Variants in BCAS3 observed in about 807,000 individuals in gnomAD.
BCAS3 encodes the protein BCAS3 microtubule associated cell migration factor, also known as BCAS4/BCAS3 fusion.
BCAS3 carries 53 observed loss-of-function variants against 116.1 expected under a neutral mutation model. The observed-to-expected ratio is 0.46, with a 90% CI of 0.37 to 0.57. BCAS3 has a LOEUF of 0.57. Among genes scored for constraint, BCAS3 ranks in the 20% least tolerant of loss-of-function variants. The probability of loss-of-function intolerance (pLI) is 0.00; values close to 1 mark genes in which losing one functional copy is unlikely to be tolerated. For synonymous variants in BCAS3, 391 were observed against 408.2 expected (o/e 0.96, Z 0.51); for missense variants, 917 against 1,165.4 (o/e 0.79, Z 3.10).
intron 7 of BCAS3, among the ~76,000 whole-genome samples, chr17:60,848,840 C>CAA (rs79372456): frequency 0.035 from 4,143 of 118,738 alleles, 57 homozygotes; most frequent in Middle Eastern, 0.058. Context: ...GCTGGGACTA[C>CAA]AAAAAAAAAA....
At chr17:61,206,624 AC>A in intron 22 of BCAS3, among the ~76,000 whole-genome samples, 1 of 151,766 alleles carries the variant, frequency 6.6e-6, no homozygotes, top group South Asian at 2.1e-4. Context: ...ACGTGGTGAA[AC>A]CCCCGTCTCT....
intron 7 of BCAS3, among the ~76,000 whole-genome samples, chr17:60,857,634 A>G (rs1399597055): frequency 6.6e-6 from 1 of 152,204 alleles, no homozygotes; most frequent in East Asian, 1.9e-4. Flanking sequence ...CCCATGAGGA[A>G]AATTAAGATT....
At position 61,241,043 on chromosome 17, in the gene BCAS3, G is replaced by GC. The variant is rs1568646620; in HGVS notation, c.2426-127279dup. 2.0e-5 allele frequency among the ~76,000 whole-genome samples: 3 copies of GC among 152,098 alleles called. No individual in the cohort carries two copies. Among genetic ancestry groups the GC allele is most frequent in the African/African-American group, 7.2e-5 (3 of 41,420 alleles). Reference sequence around the variant, plus strand: ...CCATGAGAAACCTTCTAGAGCTTCCGCCCCCTCAGTTCTCACTCTCCATCA... The same window carrying GC: ...CCATGAGAAACCTTCTAGAGCTTCCGCCCCCCTCAGTTCTCACTCTCCATCA... On this transcript the variant is annotated intron_variant, in intron 22 of 23. Transcript: ENST00000407086. This position sits in a 1 kb window ranked among gnomAD's most constrained non-coding sequence, Gnocchi z 4.6.
intron 19 of BCAS3, among the ~76,000 whole-genome samples, chr17:61,049,922 C>T (rs780275058): frequency 8.6e-5 from 13 of 151,738 alleles, no homozygotes; most frequent in African/African-American, 2.7e-4. Context: ...TTAGTAGAGA[C>T]GGGGTTTTTC....
In BCAS3 at chr17:61,200,426, A is replaced by G. The variant is rs2080751125; in HGVS notation, c.2425+115862A>G. On this transcript the variant is annotated intron_variant, in intron 22 of 23. Coordinates refer to ENST00000407086, the MANE Select transcript of BCAS3 (RefSeq NM_017679.5). This position sits in a 1 kb window ranked among gnomAD's most constrained non-coding sequence, Gnocchi z 5.1. ...TATTTTATAGCCATAGCAACTTGGTAAAGGAGAGATTATTATTCTTATTTC... is the reference window on the plus strand; with the variant it reads ...TATTTTATAGCCATAGCAACTTGGTGAAGGAGAGATTATTATTCTTATTTC... 6.6e-6 allele frequency among the ~76,000 whole-genome samples: 1 copy of G among 152,222 alleles called. No homozygotes were observed. The highest frequency in any genetic ancestry group is 1.5e-5 in the Non-Finnish European group (1 of 68,040).
At chr17:60,908,541 T>G (rs2058312788) in intron 11 of BCAS3, among the ~76,000 whole-genome samples, 1 of 152,190 alleles carries the variant, frequency 6.6e-6, no homozygotes, top group Non-Finnish European at 1.5e-5. Flanking sequence ...CCTGGCCTGC[T>G]CTTGACATCA....
intron 5 of BCAS3, among the ~76,000 whole-genome samples, chr17:60,729,001 C>T (rs1289032535): frequency 6.6e-6 from 1 of 152,164 alleles, no homozygotes; most frequent in Non-Finnish European, 1.5e-5. Flanking sequence ...ATTTCTCCTC[C>T]TTCCAGGATA....
chr17:61,249,480 C>T lies in BCAS3; in HGVS notation c.2426-118847C>T, dbSNP rs1568665109. Among the ~76,000 whole-genome samples, 1 of 152,070 alleles carries T rather than the reference C, an allele frequency of 6.6e-6. No homozygotes were observed. Among genetic ancestry groups the T allele is most frequent in the Non-Finnish European group, 1.5e-5 (1 of 68,026 alleles). On this transcript the variant is annotated intron_variant, in intron 22 of 23. Coordinates refer to ENST00000407086, the MANE Select transcript of BCAS3 (RefSeq NM_017679.5). This position sits in a 1 kb window ranked among gnomAD's most constrained non-coding sequence, Gnocchi z 6.2. ...CTAGCACAAAAGGTCATGAAACACACCCAAAACTATATTGCTAAAATCTGA... is the reference window on the plus strand; with the variant it reads ...CTAGCACAAAAGGTCATGAAACACATCCAAAACTATATTGCTAAAATCTGA...
Position 61,008,861 on chromosome 17 carries a change from C to T in BCAS3, c.1487-6890C>T, listed in dbSNP as rs531861180. Among the ~76,000 whole-genome samples the T allele has an allele frequency of 9.9e-5, 15 of 152,002 alleles. No homozygotes were observed. Among genetic ancestry groups the T allele is most frequent in the East Asian group, 7.7e-4 (4 of 5,180 alleles). On this transcript the variant is annotated intron_variant, in intron 15 of 23. Transcript: ENST00000407086. The surrounding 1 kb of genome is among the most constrained non-coding windows in gnomAD (Gnocchi z 4.6). The stretch of plus-strand genomic sequence containing the variant: ...AGATATTTGGGACTGGGGCTGTTTC[C>T]GTAGAATTGTCTTCTGAGGAGTGCC...
chr17:60,855,290 C>T lies in BCAS3; in HGVS notation c.477-13286C>T, dbSNP rs563690342. Among the ~76,000 whole-genome samples the T allele has an allele frequency of 1.5e-3, 220 of 150,810 alleles. 1 individual carries two copies. Among genetic ancestry groups the T allele is most frequent in the African/African-American group, 5.2e-3 (213 of 41,176 alleles). The stretch of plus-strand genomic sequence containing the variant: ...TTGTTTTTTTTTTTTAGTCTACCTA[C>T]CTTCTTACTCTGGTGGTTCGTGTGC... On this transcript the variant is annotated intron_variant, in intron 7 of 23. Transcript: ENST00000407086.
intron 7 of BCAS3, among the ~76,000 whole-genome samples, chr17:60,814,302 T>TGCGTGCGCGC (rs58998607): frequency 2.2e-5 from 3 of 138,752 alleles, no homozygotes; most frequent in Non-Finnish European, 3.1e-5. Context: ...TGTGTGTGTG[T>TGCGTGCGCGC]GTGTGCGCGC....
intron 22 of BCAS3, among the ~76,000 whole-genome samples, chr17:61,153,920 G>A (rs1168923509): frequency 1.3e-5 from 2 of 152,202 alleles, no homozygotes; most frequent in Non-Finnish European, 2.9e-5. Flanking sequence ...CACAAAAAAG[G>A]AATAATTCAT....
intron 14 of BCAS3, among the ~76,000 whole-genome samples, chr17:60,977,353 T>C (rs988788088): frequency 6.6e-6 from 1 of 152,050 alleles, no homozygotes; most frequent in East Asian, 1.9e-4. Flanking sequence ...CTATTTTTCT[T>C]TTTTCTTTTT....
rs1407624315 is a variant in BCAS3, at chr17:61,073,997, T to C, written c.2030-923T>C. Among the ~76,000 whole-genome samples the C allele has an allele frequency of 6.6e-6, 1 of 151,550 alleles. No individual in the cohort carries two copies. The highest frequency in any genetic ancestry group is 1.5e-5 in the Non-Finnish European group (1 of 67,950). On this transcript the variant is annotated intron_variant, in intron 19 of 23. Coordinates refer to ENST00000407086, the MANE Select transcript of BCAS3 (RefSeq NM_017679.5). The surrounding 1 kb of genome is among the most constrained non-coding windows in gnomAD (Gnocchi z 4.6). The stretch of plus-strand genomic sequence containing the variant: ...GGTAGCTCATGCCTGTAGTCTCAGC[T>C]ACTTATTAGACTGAGGTGAGAAGAT...
At chr17:60,991,361 T>G (rs2063513714) in intron 15 of BCAS3, among the ~76,000 whole-genome samples, 1 of 152,248 alleles carries the variant, frequency 6.6e-6, no homozygotes, top group African/African-American at 2.4e-5. Flanking sequence ...TGATGTACAT[T>G]GCATGGTTTC....
chr17:60,838,675 CATT>C (rs1248504265), intron 7 of BCAS3, among the ~76,000 whole-genome samples: 3 of 152,124 alleles, frequency 2.0e-5, no homozygotes, highest in Non-Finnish European at 4.4e-5. Flanking sequence ...TTCAATAAAA[CATT>C]ATTTACAAAA....
intron 19 of BCAS3, among the ~76,000 whole-genome samples, chr17:61,052,606 G>A (rs547205524): frequency 6.6e-6 from 1 of 151,992 alleles, no homozygotes; most frequent in East Asian, 1.9e-4. Flanking sequence ...ACTATAAAAA[G>A]TCTTACTGTA....
At position 60,960,983 on chromosome 17, in the gene BCAS3, A is replaced by C. The variant is rs377166392; in HGVS notation, c.1221+13631A>C. The stretch of plus-strand genomic sequence containing the variant: ...TGCTGATTGAGTGGATCCATGAAAC[A>C]CATGCCTGATGTCTTCAGCAGAATG... On this transcript the variant is annotated intron_variant, in intron 14 of 23. Coordinates refer to ENST00000407086, the MANE Select transcript of BCAS3 (RefSeq NM_017679.5). This position sits in a 1 kb window ranked among gnomAD's most constrained non-coding sequence, Gnocchi z 4.1. Among the ~76,000 whole-genome samples, 1 of 151,944 alleles carries C rather than the reference A, an allele frequency of 6.6e-6. No homozygotes were observed. Among genetic ancestry groups the C allele is most frequent in the East Asian group, 1.9e-4 (1 of 5,168 alleles).
At chr17:61,147,918 G>A (rs999475708) in intron 22 of BCAS3, among the ~76,000 whole-genome samples, 5 of 151,652 alleles carry the variant, frequency 3.3e-5, no homozygotes, top group Admixed American at 6.6e-5. Context: ...CCTGGGAGGC[G>A]GAGGTTGCAG....
Sources: gnomAD v4.1 joint callset for allele counts (sites outside exome capture counted in the v4.1 genomes callset) on GRCh38, gnomAD v4.1.1 for gene constraint, Gnocchi (gnomAD v3.1) non-coding constraint, MANE v1.5 for transcripts, NCBI Gene and HGNC (gene_info 2026-07-23, HGNC 2026-07-21) for gene names.